CBFA2T3: variants seen among roughly 807,000 people sequenced by gnomAD.
CBFA2T3 encodes CBFA2/RUNX1 partner transcriptional co-repressor 3, also known as transcriptional corepressor CBFA2T3.
In CBFA2T3, 31 loss-of-function variants were observed where a neutral mutation model predicts 58.6. The observed-to-expected ratio is 0.53, with a 90% confidence interval of 0.40 to 0.71. The LOEUF (loss-of-function observed/expected upper bound fraction) is 0.71, where lower values mean the gene tolerates loss of function less well. CBFA2T3 is among the 30% of genes least tolerant of loss of function. The pLI, the probability that CBFA2T3 is intolerant of heterozygous loss-of-function variation, is 0.00. For missense variants in CBFA2T3, 1,076 were observed against 963.1 expected (o/e 1.12, Z -1.55); for synonymous variants, 531 against 421.9 (o/e 1.26, Z -3.17).
chr16:88,876,170 A>G lies in CBFA2T3; in HGVS notation c.*806T>C. The G allele has an allele frequency of 4.3e-6, 1 of 232,104 alleles. No homozygotes were observed. Among genetic ancestry groups the G allele is most frequent in the Non-Finnish European group, 8.5e-6 (1 of 117,106 alleles). The allele number at this position is 232,104 out of a possible 1,614,324, so 14.4% of individuals were successfully genotyped here. On this transcript the variant is annotated 3_prime_UTR_variant, in exon 12 of 12. Transcript: ENST00000268679. ...TGCTTTTTTGGATTTCCTTTGGAGC[A>G]GAGGTGTGTCCGGTATCCTTGGCTG...
intron 1 of CBFA2T3, among the ~76,000 whole-genome samples, chr16:88,975,177 CACATCTTT>C (rs1972804726): frequency 1.6e-5 from 2 of 121,988 alleles, no homozygotes; most frequent in Admixed American, 8.4e-5. Context: ...CTCTCTGCTC[CACATCTTT>C]AGCCATGTCA....
In CBFA2T3 at chr16:88,885,136, G is replaced by A. The variant is rs776682768; in HGVS notation, c.1027C>T (p.Arg343Cys). 34 of 1,600,910 alleles carry A rather than the reference G, an allele frequency of 2.1e-5. No homozygotes were observed. The highest frequency in any genetic ancestry group is 2.7e-5 in the Non-Finnish European group (32 of 1,175,138). ...TGGGCCATGGCTATGTCCTCCAGGCGGTAGTGCGGCGGCGGTGTGGGCTGC... is the reference window on the plus strand; with the variant it reads ...TGGGCCATGGCTATGTCCTCCAGGCAGTAGTGCGGCGGCGGTGTGGGCTGC... ...PPQPTPPPHY[R>C]LEDIAMAHHF... is the part of the protein sequence containing the mutation. The change falls in exon 7 of 12, where the codon CGC (arginine) becomes TGC (cysteine). Residue 343 changes from arginine to cysteine, a missense_variant. Physicochemically the swap from Arg to Cys is radical, Grantham distance 180. Transcript: ENST00000268679. The surrounding 1 kb of genome is among the most constrained non-coding windows in gnomAD (Gnocchi z 5.3).
chr16:88,920,536 C>G (rs1278084629), intron 1 of CBFA2T3, among the ~76,000 whole-genome samples: 1 of 151,970 alleles, frequency 6.6e-6, no homozygotes, highest in Non-Finnish European at 1.5e-5. Context: ...CCGCCCACCT[C>G]GGCTTCTCAA....
intron 5 of CBFA2T3, among the ~76,000 whole-genome samples, chr16:88,888,520 A>G (rs1373097212): frequency 3.9e-3 from 1 of 254 alleles, no homozygotes; most frequent in Non-Finnish European, 0.02. Context: ...GGGTGGGGGA[A>G]GGGTGTGGGT....
intron 1 of CBFA2T3, among the ~76,000 whole-genome samples, chr16:88,966,992 C>T (rs1972521157): frequency 6.6e-6 from 1 of 152,186 alleles, no homozygotes; most frequent in Non-Finnish European, 1.5e-5. Flanking sequence ...CATGTGGGCC[C>T]CAGGGGACGA....
intron 1 of CBFA2T3, among the ~76,000 whole-genome samples, chr16:88,943,054 C>T (rs1038987715): frequency 3.3e-5 from 5 of 152,348 alleles, no homozygotes; most frequent in Admixed American, 6.5e-5. Flanking sequence ...TTAAGATGCA[C>T]CATTATTTTG....
rs984691524 is a variant in CBFA2T3, at chr16:88,876,291, GA to G, written c.*684del. Reference sequence around the variant, plus strand: ...AAAGCCAAAGAGTTTAACATTACAGGAAAAAAAAATCTGAAACCAAAAATGC... The same window carrying G: ...AAAGCCAAAGAGTTTAACATTACAGGAAAAAAAATCTGAAACCAAAAATGC... On this transcript the variant is annotated 3_prime_UTR_variant, in exon 12 of 12. Transcript: ENST00000268679. The G allele has an allele frequency of 5.8e-5, 13 of 225,862 alleles. No individual in the cohort carries two copies. The highest frequency in any genetic ancestry group is 1.3e-4 in the East Asian group (2 of 15,690). The allele number at this position is 225,862 out of a possible 1,614,324, so 14.0% of individuals were successfully genotyped here.
intron 1 of CBFA2T3, chr16:88,939,382 G>C (rs1971626054): frequency 1.3e-5 from 2 of 152,270 alleles, no homozygotes; most frequent in African/African-American, 2.4e-5. Flanking sequence ...CATCCCAGGA[G>C]AGATGGAGCC....
At chr16:88,903,677 TG>T (rs1202955917) in intron 1 of CBFA2T3, among the ~76,000 whole-genome samples, 4 of 29,438 alleles carry the variant, frequency 1.4e-4, no homozygotes, top group East Asian at 2.3e-3. Flanking sequence ...GGGGCGTTCC[TG>T]GGGGGGCATT....
At chr16:88,888,568 T>TGGGAGGGGGGGGGG (rs1969487835) in intron 5 of CBFA2T3, among the ~76,000 whole-genome samples, 1 of 2,940 alleles carries the variant, frequency 3.4e-4, no homozygotes, top group Non-Finnish European at 6.9e-4. Flanking sequence ...AGGGGTGGGG[T>TGGGAGGGGGGGGGG]GGGGTGGGAG....
intron 3 of CBFA2T3, among the ~76,000 whole-genome samples, chr16:88,895,573 CA>C (rs771988954): frequency 1.2e-4 from 18 of 152,128 alleles, no homozygotes; most frequent in Admixed American, 2.6e-4. Flanking sequence ...CACAGTGGCA[CA>C]GGGGGGAGGC....
intron 1 of CBFA2T3, among the ~76,000 whole-genome samples, chr16:88,933,013 A>G (rs894880236): frequency 1.3e-5 from 2 of 152,196 alleles, no homozygotes; most frequent in African/African-American, 4.8e-5. Flanking sequence ...CTCTTGGGCC[A>G]GGTCCTGGGA....
At chr16:88,965,344 A>G (rs1373151607) in intron 1 of CBFA2T3, among the ~76,000 whole-genome samples, 3 of 152,242 alleles carry the variant, frequency 2.0e-5, no homozygotes, top group Non-Finnish European at 4.4e-5. Flanking sequence ...CCAGATGCCA[A>G]ACACTGGTAA....
intron 2 of CBFA2T3, 91 bp from the exon 3 acceptor site, chr16:88,898,243 T>G (rs1402246927): frequency 2.1e-6 from 2 of 974,346 alleles, no homozygotes; most frequent in Non-Finnish European, 3.2e-6. Context: ...TTTTCCTACT[T>G]CTCAGAGTGA....
rs770223373 is a variant in CBFA2T3 at position 88,950,254 on chromosome 16, C to T, written c.151+26403G>A. 14 of 441,200 alleles carry T rather than the reference C, an allele frequency of 3.2e-5. No homozygotes were observed. The East Asian group carries it at 9.9e-4, about 31-fold the overall frequency. 27.3% of individuals were successfully genotyped at this position (441,200 alleles called of 1,614,324 possible). On this transcript the variant is annotated intron_variant, in intron 1 of 11. Coordinates refer to ENST00000268679, the MANE Select transcript of CBFA2T3 (RefSeq NM_005187.6). ...GGTCAGAGTGTTGGCACCTGTCTTCCAGGTCTGTTCACCCGTCCCCTGGAC... is the reference window on the plus strand; with the variant it reads ...GGTCAGAGTGTTGGCACCTGTCTTCTAGGTCTGTTCACCCGTCCCCTGGAC...
rs149262181 is a variant in CBFA2T3 at position 88,958,960 on chromosome 16, C to G, written c.151+17697G>C. Among the ~76,000 whole-genome samples, 8 of 152,266 alleles carry G rather than the reference C, an allele frequency of 5.3e-5. No individual in the cohort carries two copies. The South Asian group carries it at 1.7e-3, about 32-fold the overall frequency. On this transcript the variant is annotated intron_variant, in intron 1 of 11. Transcript: ENST00000268679. This position sits in a 1 kb window ranked among gnomAD's most constrained non-coding sequence, Gnocchi z 4.0. ...AGAGGGCTGATTCCTCTCTCTGCCC[C>G]GACCCCTGGCAACCCTGTCAGCTGC...
At chr16:88,911,319 C>T (rs929776058) in intron 1 of CBFA2T3, among the ~76,000 whole-genome samples, 9 of 152,246 alleles carry the variant, frequency 5.9e-5, no homozygotes, top group African/African-American at 4.8e-5. Flanking sequence ...GTTCGCCTCC[C>T]GCGCCGCTGT....
intron 5 of CBFA2T3, among the ~76,000 whole-genome samples, chr16:88,890,241 C>G (rs573208721): frequency 4.2e-4 from 64 of 152,316 alleles, no homozygotes; most frequent in South Asian, 1.4e-3. Context: ...TCCCTCCACG[C>G]TGTCTCCTCA....
chr16:88,897,684 T>C (rs1377627295), intron 3 of CBFA2T3, among the ~76,000 whole-genome samples: 1 of 152,188 alleles, frequency 6.6e-6, no homozygotes, highest in East Asian at 1.9e-4. Context: ...GCAGGAACAG[T>C]TGCAGCTGGG....
Sources: allele counts gnomAD v4.1 joint callset (sites outside exome capture counted in the v4.1 genomes callset), GRCh38; gene constraint gnomAD v4.1.1; non-coding constraint Gnocchi (gnomAD v3.1); transcripts MANE v1.5; gene names NCBI Gene and HGNC (gene_info 2026-07-23, HGNC 2026-07-21).